Variants in MEI4 observed in about 807,000 individuals in gnomAD.
MEI4 encodes meiotic double-stranded break formation protein 4.
In MEI4, 27 loss-of-function variants were observed where a neutral mutation model predicts 31.4. The ratio of observed to expected loss-of-function variants is 0.86; its 90% CI spans 0.63 to 1.19. The LOEUF (loss-of-function observed/expected upper bound fraction) is 1.19. MEI4 is among the 50% of genes most tolerant of loss of function. The pLI is 0.00. For missense variants in MEI4, 329 were observed against 398.9 expected, an observed-to-expected ratio of 0.82 and a Z score of 1.49; for synonymous variants, 122 against 145.4, an observed-to-expected ratio of 0.84 and a Z score of 1.16.
chr6:77,715,288 A>G (rs916384899), intron 2 of MEI4, among the ~76,000 whole-genome samples: 2 of 152,200 alleles, frequency 1.3e-5, no homozygotes, highest in Non-Finnish European at 1.5e-5. Flanking sequence ...TACTAAAGCT[A>G]TGATGTTTTA....
chr6:77,863,771 A>G (rs1770937592), intron 4 of MEI4, among the ~76,000 whole-genome samples: 1 of 152,186 alleles, frequency 6.6e-6, no homozygotes, highest in Non-Finnish European at 1.5e-5. Flanking sequence ...TCCAAGACAC[A>G]TAATTGTCAG....
At chr6:77,868,366 G>A (rs1227543359) in intron 4 of MEI4, among the ~76,000 whole-genome samples, 1 of 150,668 alleles carries the variant, frequency 6.6e-6, no homozygotes, top group Non-Finnish European at 1.5e-5. Context: ...AGTAAATATG[G>A]TAGTTTTAAT....
chr6:77,854,359 T>C (rs1770698772), intron 4 of MEI4, among the ~76,000 whole-genome samples: 2 of 150,366 alleles, frequency 1.3e-5, no homozygotes, highest in Admixed American at 1.3e-4. Context: ...CTGAAGTGAA[T>C]AGAAAAAATG....
chr6:77,774,774 T>A (rs773687723), intron 3 of MEI4, among the ~76,000 whole-genome samples: 3 of 152,064 alleles, frequency 2.0e-5, no homozygotes, highest in Non-Finnish European at 4.4e-5. Flanking sequence ...CATAATAGTT[T>A]AGAAAAATAT....
chr6:77,739,117 G>A (rs991052711), intron 2 of MEI4, among the ~76,000 whole-genome samples: 12 of 152,038 alleles, frequency 7.9e-5, no homozygotes, highest in Non-Finnish European at 4.4e-5. Flanking sequence ...GGCTTTTGTT[G>A]CAATAGCTTT....
At chr6:77,738,680 A>G (rs548265034) in intron 2 of MEI4, among the ~76,000 whole-genome samples, 41 of 152,294 alleles carry the variant, frequency 2.7e-4, no homozygotes, top group African/African-American at 9.4e-4. Context: ...TGTATTCTAC[A>G]ATTGTTCAAC....
At chr6:77,697,595 C>T (rs1312884686) in intron 2 of MEI4, among the ~76,000 whole-genome samples, 1 of 152,140 alleles carries the variant, frequency 6.6e-6, no homozygotes, top group Non-Finnish European at 1.5e-5. Flanking sequence ...GTTTCTTAAT[C>T]CTGAGTTCTA....
intron 1 of MEI4, among the ~76,000 whole-genome samples, chr6:77,661,805 G>T (rs1296222236): frequency 6.6e-6 from 1 of 152,050 alleles, no homozygotes; most frequent in Admixed American, 6.6e-5. Context: ...TTGATAGGGG[G>T]AAGTTTCAGA....
chr6:77,877,767 C>T (rs1011307867), intron 4 of MEI4, among the ~76,000 whole-genome samples: 24 of 131,822 alleles, frequency 1.8e-4, no homozygotes, highest in Admixed American at 2.5e-4. Context: ...CAAGAAAAGG[C>T]GCTAGAAGAT....
intron 3 of MEI4, among the ~76,000 whole-genome samples, chr6:77,811,796 C>T (rs1364129817): frequency 6.6e-6 from 1 of 151,346 alleles, no homozygotes; most frequent in East Asian, 1.9e-4. Context: ...AAAATTGATA[C>T]TTTTGATACA....
At chr6:77,752,754 C>T (rs1023092739) in intron 2 of MEI4, among the ~76,000 whole-genome samples, 3 of 152,226 alleles carry the variant, frequency 2.0e-5, no homozygotes, top group African/African-American at 7.2e-5. Context: ...TGGAAAAAAA[C>T]TAATTTAAAT....
At chr6:77,844,980 A>C (rs1422759840) in intron 4 of MEI4, among the ~76,000 whole-genome samples, 1 of 152,052 alleles carries the variant, frequency 6.6e-6, no homozygotes, top group African/African-American at 2.4e-5. Context: ...ATCTTCAGAG[A>C]CGTTTTTTCA....
chr6:77,869,908 C>A (rs541044717), intron 4 of MEI4, among the ~76,000 whole-genome samples: 1 of 152,172 alleles, frequency 6.6e-6, no homozygotes, highest in East Asian at 1.9e-4. Flanking sequence ...TCAATACTTA[C>A]CTGTTTAATT....
chr6:77,805,664 A>C (rs550638734), intron 3 of MEI4, among the ~76,000 whole-genome samples: 1 of 152,246 alleles, frequency 6.6e-6, no homozygotes, highest in East Asian at 1.9e-4. Flanking sequence ...AACACCTTAC[A>C]GTTTAAAAAT....
intron 3 of MEI4, among the ~76,000 whole-genome samples, chr6:77,785,757 C>T (rs892427969): frequency 1.3e-5 from 2 of 151,900 alleles, no homozygotes; most frequent in African/African-American, 4.8e-5. Context: ...AGCTTTTGGC[C>T]CCAGGCTCTT....
At chr6:77,663,053 A>G (rs1322970303) in intron 1 of MEI4, among the ~76,000 whole-genome samples, 3 of 152,268 alleles carry the variant, frequency 2.0e-5, no homozygotes, top group African/African-American at 7.2e-5. Flanking sequence ...CTAGAACAGA[A>G]TAATGGGTTA....
intron 3 of MEI4, among the ~76,000 whole-genome samples, chr6:77,794,935 G>A (rs1407840997): frequency 1.3e-5 from 2 of 152,078 alleles, no homozygotes; most frequent in Non-Finnish European, 2.9e-5. Context: ...GTTCCTGGAG[G>A]AATCTTGTAA....
At chr6:77,810,224 G>T (rs1769543471) in intron 3 of MEI4, among the ~76,000 whole-genome samples, 1 of 152,190 alleles carries the variant, frequency 6.6e-6, no homozygotes, top group Admixed American at 6.6e-5. Context: ...ATATCTAGCA[G>T]ATGGTTCAGC....
At chr6:77,800,404 AT>A (rs1156589975) in intron 3 of MEI4, among the ~76,000 whole-genome samples, 1 of 152,180 alleles carries the variant, frequency 6.6e-6, no homozygotes, top group Non-Finnish European at 1.5e-5. Context: ...GGCTGAGACA[AT>A]GGGGTTTTCT....
Sources: gnomAD v4.1 joint callset for allele counts (sites outside exome capture counted in the v4.1 genomes callset) on GRCh38, gnomAD v4.1.1 for gene constraint, MANE v1.5 for transcripts, NCBI Gene and HGNC (gene_info 2026-07-23, HGNC 2026-07-21) for gene names.